Variants in PALM2AKAP2 observed in about 807,000 individuals in gnomAD.
PALM2AKAP2 encodes the protein PALM2-AKAP2 fusion protein.
Under a neutral mutation model 71.5 loss-of-function variants are expected in PALM2AKAP2, and 37 were observed. The ratio of observed to expected loss-of-function variants is 0.52; its 90% CI spans 0.40 to 0.68. The LOEUF (loss-of-function observed/expected upper bound fraction) is 0.68. Ranked by LOEUF, PALM2AKAP2 falls within the 30% of genes least tolerant of loss-of-function variation. The pLI is 0.00. For synonymous variants in PALM2AKAP2, 468 were observed against 478.8 expected, an observed-to-expected ratio of 0.98 and a Z score of 0.29; for missense variants, 1,224 against 1,191.8, an observed-to-expected ratio of 1.03 and a Z score of -0.40.
intron 1 of PALM2AKAP2, among the ~76,000 whole-genome samples, chr9:110,082,057 A>G (rs1834461649): frequency 6.6e-6 from 1 of 152,122 alleles, no homozygotes; most frequent in East Asian, 1.9e-4. Flanking sequence ...TTCTGAATAT[A>G]TCCCAAGGTA....
chr9:109,833,205 A>C (rs1285681059), intron 1 of PALM2AKAP2, among the ~76,000 whole-genome samples: 3 of 152,036 alleles, frequency 2.0e-5, no homozygotes, highest in Non-Finnish European at 4.4e-5. Flanking sequence ...AAATACAAAA[A>C]TTATCTGGGT....
intron 1 of PALM2AKAP2, among the ~76,000 whole-genome samples, chr9:109,841,461 C>T (rs1438653881): frequency 1.7e-5 from 2 of 119,434 alleles, no homozygotes; most frequent in Non-Finnish European, 3.3e-5. Context: ...CACATGTATA[C>T]CTATGTAGCA....
chr9:109,807,872 T>C (rs1346789019), intron 1 of PALM2AKAP2, among the ~76,000 whole-genome samples: 1 of 152,204 alleles, frequency 6.6e-6, no homozygotes, highest in African/African-American at 2.4e-5. Flanking sequence ...GTTCTCATTA[T>C]AGTGAGTGAG....
intron 6 of PALM2AKAP2, among the ~76,000 whole-genome samples, chr9:109,977,941 C>A (rs77002407): frequency 0.017 from 2,610 of 152,236 alleles, 68 homozygotes; most frequent in African/African-American, 0.06. Flanking sequence ...ATCCCTGGAC[C>A]AGGACCTTGG....
At chr9:109,858,040 AT>A (rs1273770572) in intron 1 of PALM2AKAP2, among the ~76,000 whole-genome samples, 1 of 152,250 alleles carries the variant, frequency 6.6e-6, no homozygotes, top group African/African-American at 2.4e-5. Flanking sequence ...AAGCACCTTC[AT>A]TTATTAAGTC....
At chr9:110,142,921 G>C (rs1836069449) in intron 2 of PALM2AKAP2, among the ~76,000 whole-genome samples, 1 of 152,186 alleles carries the variant, frequency 6.6e-6, no homozygotes, top group African/African-American at 2.4e-5. Context: ...ACCCCAAGCT[G>C]TCCTGCCTTC....
intron 1 of PALM2AKAP2, among the ~76,000 whole-genome samples, chr9:109,866,724 A>G (rs1301605839): frequency 2.0e-5 from 3 of 152,178 alleles, no homozygotes; most frequent in South Asian, 2.1e-4. Context: ...CCACTCCACA[A>G]CTAAGTGGTT....
At chr9:109,893,334 C>T (rs1830127976) in intron 3 of PALM2AKAP2, among the ~76,000 whole-genome samples, 1 of 152,196 alleles carries the variant, frequency 6.6e-6, no homozygotes, top group South Asian at 2.1e-4. Context: ...AATCCAAAGG[C>T]AGAAGAAATA....
chr9:110,097,320 A>T (rs1289740860), intron 1 of PALM2AKAP2, among the ~76,000 whole-genome samples: 2 of 148,618 alleles, frequency 1.3e-5, no homozygotes, highest in African/African-American at 5.1e-5. Context: ...TTCTTAGTAC[A>T]GAACAAAATG....
intron 1 of PALM2AKAP2, among the ~76,000 whole-genome samples, chr9:109,851,209 CA>C (rs56938333): frequency 0.17 from 25,302 of 144,778 alleles, 2,494 homozygotes; most frequent in African/African-American, 0.26. Flanking sequence ...ACAACAACAA[CA>C]AAAAAAAAAA....
chr9:109,685,640 A>G (rs192677395), intron 1 of PALM2AKAP2, among the ~76,000 whole-genome samples: 9 of 152,306 alleles, frequency 5.9e-5, no homozygotes, highest in African/African-American at 2.2e-4. Flanking sequence ...TTGCTAAAAA[A>G]TGTGGACAAT....
intron 1 of PALM2AKAP2, among the ~76,000 whole-genome samples, chr9:109,689,221 T>C (rs1361511023): frequency 1.6e-5 from 2 of 121,354 alleles, no homozygotes; most frequent in Non-Finnish European, 3.5e-5. Flanking sequence ...TTTTTTTTTT[T>C]AGATGGAGTC....
At chr9:110,035,295 T>C (rs1036225221) in intron 7 of PALM2AKAP2, among the ~76,000 whole-genome samples, 85 of 145,710 alleles carry the variant, frequency 5.8e-4, no homozygotes, top group Admixed American at 3.9e-3. Context: ...ATTGTACATA[T>C]GTATAATACA....
chr9:110,080,531 G>C (rs1834426799), intron 1 of PALM2AKAP2, among the ~76,000 whole-genome samples: 1 of 152,218 alleles, frequency 6.6e-6, no homozygotes, highest in African/African-American at 2.4e-5. Flanking sequence ...TGTCTGCGTG[G>C]CTCACATAGG....
intron 7 of PALM2AKAP2, among the ~76,000 whole-genome samples, chr9:110,016,338 T>C (rs1300460860): frequency 6.6e-6 from 1 of 152,048 alleles, no homozygotes; most frequent in African/African-American, 2.4e-5. Flanking sequence ...CGTAGGGTCT[T>C]CAGTGAATAT....
chr9:109,723,612 G>A (rs1277462113), intron 1 of PALM2AKAP2, among the ~76,000 whole-genome samples: 3 of 152,168 alleles, frequency 2.0e-5, no homozygotes, highest in African/African-American at 4.8e-5. Flanking sequence ...TGAGTCATGA[G>A]GATATATATG....
At chr9:109,779,039 GGATTACAGGTGT>G (rs779848653), upstream of PALM2AKAP2, among the ~76,000 whole-genome samples, 7 of 152,130 alleles carry the variant, frequency 4.6e-5, no homozygotes, top group South Asian at 2.1e-4. Context: ...CAAAGTGCTG[GGATTACAGGTGT>G]GAGCCACCGC....
chr9:109,785,604 G>A (rs975244626), intron 1 of PALM2AKAP2, among the ~76,000 whole-genome samples: 5 of 152,200 alleles, frequency 3.3e-5, no homozygotes, highest in Admixed American at 6.5e-5. Flanking sequence ...CATCTCACAT[G>A]GCAACAGACT....
At chr9:109,954,537 T>C (rs1423098210) in intron 6 of PALM2AKAP2, among the ~76,000 whole-genome samples, 9 of 147,720 alleles carry the variant, frequency 6.1e-5, no homozygotes, top group East Asian at 2.1e-4. Flanking sequence ...AGGGATAGCA[T>C]TGGGAGATAT....
Sources: gnomAD v4.1 joint callset for allele counts (sites outside exome capture counted in the v4.1 genomes callset) on GRCh38, gnomAD v4.1.1 for gene constraint, MANE v1.5 for transcripts, NCBI Gene and HGNC (gene_info 2026-07-23, HGNC 2026-07-21) for gene names.